The following CECR2 variants were observed in gnomAD, a reference collection of about 807,000 sequenced individuals.
CECR2 encodes chromatin remodeling regulator CECR2.
In CECR2, 30 loss-of-function variants were observed where a neutral mutation model predicts 154.5. That is an observed-to-expected ratio of 0.19 (90% CI 0.15 to 0.26). CECR2 has a LOEUF of 0.26. Ranked by LOEUF, CECR2 falls within the 10% of genes least tolerant of loss-of-function variation. CECR2 has a pLI of 1.00. For synonymous variants in CECR2, 725 were observed against 683.7 expected, an observed-to-expected ratio of 1.06 and a Z score of -0.94; for missense variants, 1,743 against 1,829.3, an observed-to-expected ratio of 0.95 and a Z score of 0.86.
At chr22:17,428,828 A>G (rs5746375) in intron 1 of CECR2, among the ~76,000 whole-genome samples, 36,633 of 111,644 alleles carry the variant, frequency 0.33, 5,313 homozygotes, top group African/African-American at 0.53. Context: ...GTGTGTGTGT[A>G]TATAAAGGCA....
chr22:17,404,205 G>A (rs1202804306), intron 1 of CECR2, among the ~76,000 whole-genome samples: 1 of 146,552 alleles, frequency 6.8e-6, no homozygotes, highest in Non-Finnish European at 1.5e-5. Flanking sequence ...GTTGCAGTGA[G>A]CCGAGATCGT....
chr22:17,500,644 CA>C lies in CECR2; in HGVS notation c.566del (p.Asn189MetfsTer28), dbSNP rs761024953. 7 of 1,550,124 alleles carry C rather than the reference CA, an allele frequency of 4.5e-6. No homozygotes were observed. Among genetic ancestry groups the C allele is most frequent in the East Asian group, 4.9e-5 (2 of 41,090 alleles). On this transcript the variant is annotated frameshift_variant, in exon 5 of 19. Coordinates refer to ENST00000262608, the MANE Select transcript of CECR2 (RefSeq NM_001290047.2). LOFTEE classifies it high-confidence loss of function. ...ATTATTTATTAGGGAAAGTGAAGGA[CA>C]AAAAAATGTCTCAAGTATTCCTGGA... is the stretch of plus-strand genomic sequence containing the variant. ...ELSLSRESEG[Q>X]KNVSSIPGKT...
At chr22:17,516,970 G>A (rs2056068383) in intron 8 of CECR2, among the ~76,000 whole-genome samples, 1 of 149,930 alleles carries the variant, frequency 6.7e-6, no homozygotes, top group East Asian at 2.0e-4. Flanking sequence ...GAGTGCAGTG[G>A]CGTGATCTCA....
At position 17,363,430 on chromosome 22, in the gene CECR2, G is replaced by A. The variant is rs1329103860; in HGVS notation, c.-364+3407G>A. Among the ~76,000 whole-genome samples, 4 of 152,024 alleles carry A rather than the reference G, an allele frequency of 2.6e-5. No homozygotes were observed. In the East Asian group the frequency reaches 5.8e-4, roughly 22 times the overall value. The stretch of plus-strand genomic sequence containing the variant: ...ACCATATCGAGACCAGGCTGGTCTC[G>A]AACTCCTGACCTTATGATCCGCCTG... On this transcript the variant is annotated intron_variant, in intron 1 of 18. Transcript: ENST00000400585.
At chr22:17,544,342 C>CA (rs1184816815) in intron 16 of CECR2, among the ~76,000 whole-genome samples, 4 of 149,918 alleles carry the variant, frequency 2.7e-5, no homozygotes, top group Non-Finnish European at 4.4e-5. Context: ...ACTAAAAATA[C>CA]AAAAAATTAG....
At position 17,557,683 on chromosome 22, in the gene CECR2, CA is replaced by C. The variant is rs1555938669; in HGVS notation, c.*4844del. On this transcript the variant is annotated 3_prime_UTR_variant, in exon 19 of 19. Coordinates refer to ENST00000262608, the MANE Select transcript of CECR2 (RefSeq NM_001290047.2). The stretch of plus-strand genomic sequence containing the variant: ...TTGACAGGGGTGGGTGGGGTGGGAG[CA>C]GGGGTATGGATATTGCATAAGTTAT... 1 of 152,010 alleles carries C rather than the reference CA, an allele frequency of 6.6e-6. No homozygotes were observed. The highest frequency in any genetic ancestry group is 1.5e-5 in the Non-Finnish European group (1 of 68,022). 9.4% of individuals were successfully genotyped at this position (152,010 alleles called of 1,614,324 possible).
chr22:17,496,501 A>G (rs1395750462), intron 2 of CECR2, among the ~76,000 whole-genome samples: 1 of 149,448 alleles, frequency 6.7e-6, no homozygotes, highest in Non-Finnish European at 1.5e-5. Flanking sequence ...CTCTGTCTCA[A>G]AAAAAAAAAG....
At chr22:17,371,954 A>G (rs545348816) in intron 1 of CECR2, among the ~76,000 whole-genome samples, 1 of 152,352 alleles carries the variant, frequency 6.6e-6, no homozygotes, top group Admixed American at 6.5e-5. Flanking sequence ...TTAATTCCTA[A>G]AGGAAATGTA....
chr22:17,384,061 T>C (rs2063232216), intron 1 of CECR2, among the ~76,000 whole-genome samples: 1 of 152,156 alleles, frequency 6.6e-6, no homozygotes, highest in African/African-American at 2.4e-5. Flanking sequence ...CTCAAAGTCA[T>C]CCACGAAGGT....
At chr22:17,370,325 G>T (rs2401111) in intron 1 of CECR2, among the ~76,000 whole-genome samples, 3 of 149,920 alleles carry the variant, frequency 2.0e-5, no homozygotes, top group East Asian at 2.0e-4. Flanking sequence ...GGCGCGGGGG[G>T]GGGGCCCGCG....
intron 1 of CECR2, among the ~76,000 whole-genome samples, chr22:17,361,360 C>T (rs1414408837): frequency 6.6e-6 from 1 of 151,976 alleles, no homozygotes; most frequent in Non-Finnish European, 1.5e-5. Context: ...GTGGCGGACA[C>T]CTGTAATCTC....
At chr22:17,429,428 G>A (rs1014994567) in intron 1 of CECR2, among the ~76,000 whole-genome samples, 14 of 151,730 alleles carry the variant, frequency 9.2e-5, no homozygotes, top group Non-Finnish European at 1.2e-4. Flanking sequence ...GAGACCGGGC[G>A]CGGTGGCTCA....
chr22:17,383,101 C>G (rs1569045402), intron 1 of CECR2, among the ~76,000 whole-genome samples: 1 of 152,074 alleles, frequency 6.6e-6, no homozygotes. Context: ...TGGCGGGCAC[C>G]TGTAATCCCA....
At chr22:17,435,573 G>A (rs1028956208) in intron 1 of CECR2, among the ~76,000 whole-genome samples, 1 of 151,216 alleles carries the variant, frequency 6.6e-6, no homozygotes, top group Non-Finnish European at 1.5e-5. Flanking sequence ...CAAGAAAGAT[G>A]TCTGGGGAAT....
At position 17,537,178 on chromosome 22, in the gene CECR2, T is replaced by C; in HGVS notation, c.1184T>C (p.Leu395Pro). Residue 395 changes from leucine (L) to proline (P), a missense_variant, in exon 10 of 19, where the codon CTT (leucine) becomes CCT (proline). Physicochemically the swap from Leu to Pro is moderately conservative, Grantham distance 98 (BLOSUM62 -3). Around this residue, in one of 4 missense-constraint regions of CECR2, gnomAD observed 292 missense variants for 301.2 expected, o/e 0.97. Transcript: ENST00000262608. ...LAQGKELPPELSHLDPNSPMR... is the reference protein window; with the variant it reads ...LAQGKELPPEPSHLDPNSPMR... The stretch of plus-strand genomic sequence containing the variant: ...CAAGGAAAGGAGCTCCCTCCAGAAC[T>C]TTCCCATCTGGACCCCAATTCCCCC... The C allele has an allele frequency of 6.2e-7, 1 of 1,613,910 alleles. No individual in the cohort carries two copies. The highest frequency in any genetic ancestry group is 8.5e-7 in the Non-Finnish European group (1 of 1,179,860).
At position 17,543,001 on chromosome 22, in the gene CECR2, A is replaced by G. The variant is rs777593552; in HGVS notation, c.2858A>G (p.Gln953Arg). 2 of 1,600,770 alleles carry G rather than the reference A, an allele frequency of 1.2e-6. No homozygotes were observed. The highest frequency in any genetic ancestry group is 2.2e-5 in the South Asian group (2 of 89,172). The change falls in exon 16 of 19, where the codon CAA (glutamine) becomes CGA (arginine). Residue 953 changes from glutamine to arginine, a missense_variant and splice_region_variant. Transcript: ENST00000262608. ...GAAGCACAAGAGCCTGAGAATGACCAAGGTAATTTACACTGTCACTTTGGG... is the reference window on the plus strand; with the variant it reads ...GAAGCACAAGAGCCTGAGAATGACCGAGGTAATTTACACTGTCACTTTGGG... ...NSEAQEPEND[Q>R]AEPLPGLEEK...
At chr22:17,540,190 A>G (rs2056500015) in intron 13 of CECR2, among the ~76,000 whole-genome samples, 2 of 152,144 alleles carry the variant, frequency 1.3e-5, no homozygotes, top group African/African-American at 2.4e-5. Context: ...TGGGCATCTT[A>G]CAGATAGAAA....
intron 1 of CECR2, among the ~76,000 whole-genome samples, chr22:17,363,140 C>A (rs1019689095): frequency 2.0e-4 from 31 of 151,576 alleles, no homozygotes; most frequent in South Asian, 6.3e-4. Flanking sequence ...ACCTCTGCCT[C>A]CAGGGTTCAA....
chr22:17,384,999 T>A (rs1346722055), intron 1 of CECR2, among the ~76,000 whole-genome samples: 1 of 152,198 alleles, frequency 6.6e-6, no homozygotes. Context: ...TCCTAAAGCT[T>A]CACGAACCAA....
Sources: gnomAD v4.1 joint callset for allele counts (sites outside exome capture counted in the v4.1 genomes callset) on GRCh38, gnomAD v4.1.1 for gene constraint, gnomAD v4.1.1 regional missense constraint, MANE v1.5 for transcripts, NCBI Gene and HGNC (gene_info 2026-07-23, HGNC 2026-07-21) for gene names.